Variants in KLRG1 observed in about 807,000 individuals in gnomAD.
KLRG1 encodes killer cell lectin like receptor G1.
In KLRG1, 16 loss-of-function variants were observed where a neutral mutation model predicts 21.8. The observed-to-expected ratio is 0.73, with a 90% confidence interval of 0.50 to 1.11. The LOEUF is 1.11. KLRG1 is among the 50% of genes most tolerant of loss of function. The pLI, the probability that KLRG1 is intolerant of heterozygous loss-of-function variation, is 0.00. For missense variants in KLRG1, 173 were observed against 218.3 expected, an observed-to-expected ratio of 0.79 and a Z score of 1.31; for synonymous variants, 69 against 75.9, an observed-to-expected ratio of 0.91 and a Z score of 0.47.
the KLRG1 span, among the ~76,000 whole-genome samples, chr12:9,205,686 A>G: frequency 2.6e-5 from 4 of 152,212 alleles, no homozygotes; most frequent in Non-Finnish European, 5.9e-5. Flanking sequence ...TTGCAAGTAA[A>G]AACTATTATT....
the KLRG1 span, chr12:9,068,006 C>T: frequency 1.0e-6 from 1 of 965,006 alleles, no homozygotes; most frequent in South Asian, 1.5e-5. Context: ...TATGGACTCT[C>T]TGAGGTTTGA....
the KLRG1 span, among the ~76,000 whole-genome samples, chr12:9,060,193 G>GTTTT: frequency 6.8e-6 from 1 of 147,344 alleles, no homozygotes; most frequent in Non-Finnish European, 1.5e-5. Context: ...TTGTTTGTTT[G>GTTTT]TTTGTTTGTT....
At chr12:8,967,799 C>T (rs1031357090) in intron 1 of KLRG1, among the ~76,000 whole-genome samples, 7 of 151,884 alleles carry the variant, frequency 4.6e-5, no homozygotes, top group Admixed American at 2.0e-4. Context: ...TGTATGAAAA[C>T]GGCCAGGGAA....
At chr12:9,112,656 C>A in the KLRG1 span, 1 of 1,100,268 alleles carries the variant, frequency 9.1e-7, no homozygotes, top group Non-Finnish European at 1.3e-6. Flanking sequence ...CCCTTGTTCT[C>A]AGCAGGGAAA....
the KLRG1 span, chr12:9,068,673 A>T: frequency 7.9e-7 from 1 of 1,273,076 alleles, no homozygotes; most frequent in Non-Finnish European, 1.1e-6. Flanking sequence ...ACCCCAACAC[A>T]TCTCCTAAAC....
chr12:9,001,672 T>C (rs1265148307), intron 3 of KLRG1, among the ~76,000 whole-genome samples: 2 of 152,160 alleles, frequency 1.3e-5, no homozygotes, highest in South Asian at 2.1e-4. Flanking sequence ...CTTCCCCTAA[T>C]AGATGCTTTG....
chr12:9,160,215 A>G, the KLRG1 span: 1 of 1,257,814 alleles, frequency 8.0e-7, no homozygotes, highest in Non-Finnish European at 1.1e-6. Flanking sequence ...GTTTTCATAA[A>G]AATTATCATC....
chr12:9,134,654 G>A, the KLRG1 span, among the ~76,000 whole-genome samples: 29 of 152,202 alleles, frequency 1.9e-4, 1 homozygote, highest in Admixed American at 2.6e-4. Context: ...AATCATGTAA[G>A]TGGAATCATG....
At chr12:9,090,535 A>G in the KLRG1 span, 7 of 1,590,162 alleles carry the variant, frequency 4.4e-6, no homozygotes, top group South Asian at 3.3e-5. Context: ...CAGAGGGAGA[A>G]TGGGTTTGAA....
the KLRG1 span, chr12:9,167,523 G>C: frequency 1.3e-5 from 2 of 152,098 alleles, no homozygotes; most frequent in African/African-American, 4.8e-5. Flanking sequence ...CTGGGGGTGG[G>C]GGTTCCTTCC....
At chr12:8,974,589 A>G (rs998531241) in intron 1 of KLRG1, among the ~76,000 whole-genome samples, 2 of 152,128 alleles carry the variant, frequency 1.3e-5, no homozygotes, top group African/African-American at 4.8e-5. Flanking sequence ...AATGAATGTC[A>G]AATTTTGCTA....
At chr12:8,962,948 C>T (rs1264862114) in intron 1 of KLRG1, among the ~76,000 whole-genome samples, 2 of 151,910 alleles carry the variant, frequency 1.3e-5, no homozygotes, top group Non-Finnish European at 2.9e-5. Flanking sequence ...CAAAGATGCT[C>T]AGTAGATTTT....
chr12:9,104,112 C>T, the KLRG1 span: 448,015 of 907,918 alleles, frequency 0.49, 117,004 homozygotes, highest in African/African-American at 0.76. Flanking sequence ...AACCTTCAAT[C>T]GGTTTCTAAT....
the KLRG1 span, chr12:9,181,239 T>A: frequency 7.2e-7 from 1 of 1,380,936 alleles, no homozygotes; most frequent in Admixed American, 2.4e-5. Flanking sequence ...ATGACTATGT[T>A]GGTAATGTCA....
In KLRG1 at chr12:9,009,708, A is replaced by G; in HGVS notation, c.*171A>G. 2 of 1,425,488 alleles carry G rather than the reference A, an allele frequency of 1.4e-6. No homozygotes were observed. Among genetic ancestry groups the G allele is most frequent in the South Asian group, 3.1e-5 (2 of 64,684 alleles). The allele number at this position is 1,425,488 out of a possible 1,614,324, so 88.3% of individuals were successfully genotyped here. A position where few individuals can be genotyped will look rare whatever the true frequency, so the allele number is the denominator to read the frequency against. ...CTAGGGATTGATGCCTAACTGATGG[A>G]TTCTCTTTGAGACTATTTAGATATT... On this transcript the variant is annotated 3_prime_UTR_variant, in exon 5 of 5. Transcript: ENST00000356986.
At chr12:9,203,263 G>A in the KLRG1 span, among the ~76,000 whole-genome samples, 1 of 137,966 alleles carries the variant, frequency 7.2e-6, no homozygotes, top group Admixed American at 7.9e-5. Flanking sequence ...TCCTTACTCT[G>A]GTAAAAAATG....
chr12:8,985,627 C>T (rs999831202), upstream of KLRG1, among the ~76,000 whole-genome samples: 2 of 152,136 alleles, frequency 1.3e-5, no homozygotes, highest in Admixed American at 6.6e-5. Flanking sequence ...GAGCAGCTCA[C>T]AGAACTCAGG....
the KLRG1 span, among the ~76,000 whole-genome samples, chr12:9,122,565 C>T: frequency 6.6e-6 from 1 of 152,182 alleles, no homozygotes; most frequent in African/African-American, 2.4e-5. Flanking sequence ...TTACGTAGTA[C>T]TTACTATATA....
At chr12:9,072,727 G>T in the KLRG1 span, 5 of 1,614,074 alleles carry the variant, frequency 3.1e-6, no homozygotes, top group African/African-American at 1.3e-5. Flanking sequence ...GAGACCTGCT[G>T]CAGTAACAGG....
Sources: gnomAD v4.1 joint callset for allele counts (sites outside exome capture counted in the v4.1 genomes callset) on GRCh38, gnomAD v4.1.1 for gene constraint, MANE v1.5 for transcripts, NCBI Gene and HGNC (gene_info 2026-07-23, HGNC 2026-07-21) for gene names.